BTBD3: variants seen among roughly 807,000 people sequenced by gnomAD.
BTBD3 encodes BTB domain containing 3.
BTBD3 carries 14 observed loss-of-function variants against 41.6 expected under a neutral mutation model. The observed-to-expected ratio is 0.34, with a 90% confidence interval of 0.22 to 0.53. The LOEUF (loss-of-function observed/expected upper bound fraction) is 0.53. BTBD3 is among the 20% of genes least tolerant of loss of function. The pLI is 0.95. For synonymous variants in BTBD3, 249 were observed against 233.7 expected (o/e 1.07, Z -0.60); for missense variants, 426 against 654.7 (o/e 0.65, Z 3.81).
chr20:11,917,801 A>G (rs531689562), upstream of BTBD3: 123 of 430,700 alleles, frequency 2.9e-4, no homozygotes, highest in Middle Eastern at 1.1e-3. Flanking sequence ...GCTTGGTCCA[A>G]TCATGATTGG....
rs149446721 is a variant in BTBD3 at position 11,908,460 on chromosome 20, A to G, written c.-125-9874A>G. Among the ~76,000 whole-genome samples, 511 of 150,790 alleles carry G rather than the reference A, an allele frequency of 3.4e-3. 2 individuals are homozygous for G. The highest frequency in any genetic ancestry group is 0.012 in the African/African-American group (490 of 41,134). On this transcript the variant is annotated intron_variant, in intron 1 of 4. Coordinates refer to the BTBD3 transcript ENST00000254977. ...TATAAATGCTGTCCTCCCTATTGTT[A>G]TGTGATGCAGAGACTGGAGAAACTC...
At chr20:11,904,476 A>G (rs984734931) in intron 1 of BTBD3, among the ~76,000 whole-genome samples, 9 of 152,138 alleles carry the variant, frequency 5.9e-5, no homozygotes, top group African/African-American at 2.2e-4. Flanking sequence ...TCCAAACCAT[A>G]TCAAAAGCCT....
chr20:11,891,043 C>A, intron 1 of BTBD3: 1 of 900,786 alleles, frequency 1.1e-6, no homozygotes, highest in South Asian at 5.1e-5. Flanking sequence ...GCCCTGCGGC[C>A]GGCCGGAGGG....
At chr20:11,920,352 T>TATAA (rs2056959347) in intron 3 of BTBD3, among the ~76,000 whole-genome samples, 1 of 152,188 alleles carries the variant, frequency 6.6e-6, no homozygotes, top group Non-Finnish European at 1.5e-5. Flanking sequence ...TACATACTCA[T>TATAA]ATAAAATCAG....
intron 1 of BTBD3, among the ~76,000 whole-genome samples, chr20:11,899,836 GA>G (rs565026227): frequency 6.6e-5 from 10 of 151,304 alleles, no homozygotes; most frequent in Admixed American, 2.0e-4. Context: ...TGATTTGCAA[GA>G]AAAAAAAGAT....
intron 1 of BTBD3, among the ~76,000 whole-genome samples, chr20:11,898,229 C>T (rs573738672): frequency 6.6e-6 from 1 of 152,230 alleles, no homozygotes; most frequent in Admixed American, 6.5e-5. Flanking sequence ...GACCTCTTCT[C>T]CCGCTTGTCT....
chr20:11,900,982 A>T (rs1017637946), intron 1 of BTBD3, among the ~76,000 whole-genome samples: 8 of 152,124 alleles, frequency 5.3e-5, no homozygotes, highest in African/African-American at 1.9e-4. Context: ...AAGTGCTGGG[A>T]TTACAGGCTT....
At chr20:11,898,818 G>A (rs2056806387) in intron 1 of BTBD3, among the ~76,000 whole-genome samples, 1 of 152,178 alleles carries the variant, frequency 6.6e-6, no homozygotes. Context: ...GAGTGGTTAT[G>A]AGAATTAAAT....
chr20:11,919,654 T>C, intron 2 of BTBD3, 64 bp from the exon 3 acceptor site: 1 of 1,497,050 alleles, frequency 6.7e-7, no homozygotes, highest in Non-Finnish European at 9.3e-7. Flanking sequence ...GTTGTTTTTC[T>C]GCATTGATTT....
At chr20:11,918,847 A>G (rs1260983794) in intron 1 of BTBD3, 1 of 565,630 alleles carries the variant, frequency 1.8e-6, no homozygotes, top group Non-Finnish European at 3.0e-6. Flanking sequence ...GAAAATGGGA[A>G]CCTTTTATTT....
chr20:11,892,933 AT>A lies in BTBD3; in HGVS notation c.-126+1981del, dbSNP rs565712354. Among the ~76,000 whole-genome samples the A allele has an allele frequency of 1.8e-3, 280 of 152,324 alleles. 1 individual carries two copies. The highest frequency in any genetic ancestry group is 6.4e-3 in the African/African-American group (268 of 41,580). On this transcript the variant is annotated intron_variant, in intron 1 of 4. Transcript: ENST00000254977. Reference sequence around the variant, plus strand: ...TGTTCCTAGAAAGTACTCTGCCAACATTCTTTACAAAATGTTAAACTGCTTG... The same window carrying A: ...TGTTCCTAGAAAGTACTCTGCCAACATCTTTACAAAATGTTAAACTGCTTG...
At chr20:11,908,726 T>A (rs1471599666) in intron 1 of BTBD3, among the ~76,000 whole-genome samples, 1 of 152,174 alleles carries the variant, frequency 6.6e-6, no homozygotes, top group East Asian at 1.9e-4. Context: ...AAGCTAGGTA[T>A]GGAACCTCAA....
exon 1 of BTBD3, chr20:11,890,827 C>T (rs2056744248): frequency 2.0e-6 from 2 of 985,104 alleles, no homozygotes; most frequent in Non-Finnish European, 2.4e-6. Flanking sequence ...AGAGCGTGCC[C>T]TGCGTGCGGG....
At chr20:11,898,167 A>T (rs1052981965) in intron 1 of BTBD3, among the ~76,000 whole-genome samples, 1 of 152,092 alleles carries the variant, frequency 6.6e-6, no homozygotes, top group Non-Finnish European at 1.5e-5. Context: ...GTCTACAAAT[A>T]AATAAATAAA....
chr20:11,904,016 C>G (rs1002357619), intron 1 of BTBD3, among the ~76,000 whole-genome samples: 3 of 152,068 alleles, frequency 2.0e-5, no homozygotes, highest in African/African-American at 7.3e-5. Context: ...TTACTGTTTT[C>G]TAGGAGAATG....
intron 1 of BTBD3, among the ~76,000 whole-genome samples, chr20:11,904,088 AT>A (rs1219123308): frequency 1.3e-5 from 2 of 152,180 alleles, no homozygotes; most frequent in Admixed American, 6.5e-5. Context: ...TTCATTAAGA[AT>A]TTTTTTTGTT....
At chr20:11,902,140 T>C (rs898977527) in intron 1 of BTBD3, among the ~76,000 whole-genome samples, 11 of 152,156 alleles carry the variant, frequency 7.2e-5, no homozygotes, top group Non-Finnish European at 1.3e-4. Context: ...AGAAGCTTTA[T>C]TGAGAACATA....
intron 1 of BTBD3, among the ~76,000 whole-genome samples, chr20:11,911,677 A>G (rs989921975): frequency 1.3e-5 from 2 of 152,230 alleles, no homozygotes; most frequent in Non-Finnish European, 2.9e-5. Context: ...AGGTTGGACA[A>G]ACTTGATCTA....
chr20:11,908,347 G>A (rs1163297270), intron 1 of BTBD3, among the ~76,000 whole-genome samples: 2 of 19,620 alleles, frequency 1.0e-4, no homozygotes, highest in Admixed American at 1.1e-3. Flanking sequence ...TTTAAATAAG[G>A]TACTGACAGT....
Sources: gnomAD v4.1 joint callset for allele counts (sites outside exome capture counted in the v4.1 genomes callset) on GRCh38, gnomAD v4.1.1 for gene constraint, MANE v1.5 for transcripts, NCBI Gene and HGNC (gene_info 2026-07-23, HGNC 2026-07-21) for gene names.